Variants in NEK11 observed in about 807,000 individuals in gnomAD.
The protein encoded by NEK11 is NIMA related kinase 11, also known as serine/threonine-protein kinase Nek11.
Under a neutral mutation model 80.7 loss-of-function variants are expected in NEK11, and 72 were observed. That is an observed-to-expected ratio of 0.89 (90% confidence interval 0.74 to 1.08). The LOEUF (loss-of-function observed/expected upper bound fraction) is 1.08, where lower values mean the gene tolerates loss of function less well. Among genes scored for constraint, NEK11 ranks in the 50% least tolerant of loss-of-function variants. The pLI is 0.00. For missense variants in NEK11, 764 were observed against 763.6 expected, an observed-to-expected ratio of 1.00 and a Z score of -0.01; for synonymous variants, 251 against 260.7, an observed-to-expected ratio of 0.96 and a Z score of 0.36.
chr3:131,345,854 G>T (rs1409598493), intron 17 of NEK11, among the ~76,000 whole-genome samples: 1 of 152,050 alleles, frequency 6.6e-6, no homozygotes, highest in East Asian at 1.9e-4. Flanking sequence ...CCTTATAAAA[G>T]GATATCCTGT....
At chr3:131,138,984 A>T (rs1294583756) in intron 7 of NEK11, among the ~76,000 whole-genome samples, 2 of 152,216 alleles carry the variant, frequency 1.3e-5, no homozygotes, top group East Asian at 3.9e-4. Context: ...ATGAACATTC[A>T]CAAGTGTCAA....
At chr3:131,306,338 T>C (rs559091766) in intron 17 of NEK11, among the ~76,000 whole-genome samples, 19 of 152,292 alleles carry the variant, frequency 1.2e-4, no homozygotes, top group African/African-American at 4.6e-4. Flanking sequence ...GGGCCTTTAG[T>C]AATGTTGCAG....
chr3:131,184,720 C>CG, intron 14 of NEK11: 1 of 1,230,398 alleles, frequency 8.1e-7, no homozygotes, highest in Non-Finnish European at 1.1e-6. Context: ...AATCTAATTT[C>CG]ACTAGACGAA....
chr3:131,122,674 A>G (rs113023453), intron 5 of NEK11, among the ~76,000 whole-genome samples: 6 of 101,448 alleles, frequency 5.9e-5, no homozygotes, highest in African/African-American at 1.7e-4. Flanking sequence ...AGGGTTTCAT[A>G]TCATAAACTG....
chr3:131,333,580 T>A (rs954062281), intron 17 of NEK11, among the ~76,000 whole-genome samples: 12 of 152,138 alleles, frequency 7.9e-5, no homozygotes, highest in African/African-American at 2.7e-4. Flanking sequence ...AATCACCAGC[T>A]AACATCATAA....
At chr3:131,058,977 TC>T (rs1156761490) in intron 3 of NEK11, among the ~76,000 whole-genome samples, 1 of 152,202 alleles carries the variant, frequency 6.6e-6, no homozygotes, top group Non-Finnish European at 1.5e-5. Flanking sequence ...ATTAAGTACT[TC>T]AAAAGCATCT....
chr3:131,207,800 T>A (rs1425193148), intron 14 of NEK11, among the ~76,000 whole-genome samples: 2 of 152,176 alleles, frequency 1.3e-5, no homozygotes, highest in Admixed American at 6.5e-5. Context: ...TTTGCCCACA[T>A]TTGATGGGGT....
chr3:131,161,468 G>A (rs371959122), intron 10 of NEK11, among the ~76,000 whole-genome samples: 3 of 152,106 alleles, frequency 2.0e-5, no homozygotes, highest in African/African-American at 7.2e-5. Flanking sequence ...TAAAGAAAAT[G>A]TGGTACATTT....
rs143654897 is a variant in NEK11, at chr3:131,120,807, G to A, written c.455+10886G>A. 7.6e-4 allele frequency among the ~76,000 whole-genome samples: 115 copies of A among 152,168 alleles called. 1 individual carries two copies. The highest frequency in any genetic ancestry group is 1.8e-3 in the Admixed American group (28 of 15,288). Reference sequence around the variant, plus strand: ...CTTGTGCATGCGTCACATAGTTCTCGTGCCATGGTTTTCAGTTCCATCAGG... The same window carrying A: ...CTTGTGCATGCGTCACATAGTTCTCATGCCATGGTTTTCAGTTCCATCAGG... On this transcript the variant is annotated intron_variant, in intron 5 of 17. Transcript: ENST00000383366.
At chr3:131,235,946 G>A (rs916341842) in intron 15 of NEK11, among the ~76,000 whole-genome samples, 1 of 152,162 alleles carries the variant, frequency 6.6e-6, no homozygotes, top group African/African-American at 2.4e-5. Flanking sequence ...TCCAAAGTGT[G>A]TGAAAATGGA....
chr3:131,242,030 G>A (rs1186526191), intron 15 of NEK11, among the ~76,000 whole-genome samples: 1 of 152,066 alleles, frequency 6.6e-6, no homozygotes, highest in East Asian at 1.9e-4. Flanking sequence ...TTTTCCTGTG[G>A]CTGCTAGGCA....
At chr3:131,044,428 A>G (rs1361992662) in intron 3 of NEK11, among the ~76,000 whole-genome samples, 1 of 100,348 alleles carries the variant, frequency 1.0e-5, no homozygotes, top group African/African-American at 3.6e-5. Context: ...AAAGCAAAAA[A>G]AAAAAAAAAA....
intron 3 of NEK11, among the ~76,000 whole-genome samples, chr3:131,060,370 T>C (rs568456612): frequency 1.3e-5 from 2 of 152,334 alleles, no homozygotes; most frequent in South Asian, 4.1e-4. Context: ...CTGGCTCTGG[T>C]TGCTTTTTTC....
At chr3:131,236,490 C>G (rs1417511832) in intron 15 of NEK11, among the ~76,000 whole-genome samples, 1 of 152,168 alleles carries the variant, frequency 6.6e-6, no homozygotes, top group Non-Finnish European at 1.5e-5. Flanking sequence ...CAGGCATTGA[C>G]TTGCCGAGAA....
At chr3:131,212,902 T>G (rs2094684442) in intron 14 of NEK11, among the ~76,000 whole-genome samples, 1 of 152,188 alleles carries the variant, frequency 6.6e-6, no homozygotes, top group South Asian at 2.1e-4. Context: ...ATTAATATTT[T>G]TATATCAGTA....
chr3:131,256,063 G>T (rs947009178), intron 16 of NEK11, among the ~76,000 whole-genome samples: 1 of 152,276 alleles, frequency 6.6e-6, no homozygotes, highest in Admixed American at 6.5e-5. Context: ...AAGGAGAGAA[G>T]AGAGGAAGAT....
At position 131,349,819 on chromosome 3, in the gene NEK11, T is replaced by C. The variant is rs2097427606; in HGVS notation, c.*43T>C. ...GCAGAAGTTCAAGTGGACAAATTTA[T>C]GTGAAAATTCATTTAACATATAAGC... On this transcript the variant is annotated 3_prime_UTR_variant, in exon 18 of 18. Coordinates refer to ENST00000383366, the MANE Select transcript of NEK11 (RefSeq NM_024800.5). 1 of 1,458,028 alleles carries C rather than the reference T, an allele frequency of 6.9e-7. No individual in the cohort carries two copies. The highest frequency in any genetic ancestry group is 1.4e-5 in the African/African-American group (1 of 71,280). 90.3% of individuals were successfully genotyped at this position (1,458,028 alleles called of 1,614,324 possible).
intron 10 of NEK11, among the ~76,000 whole-genome samples, chr3:131,157,735 G>A (rs1449639122): frequency 6.6e-6 from 1 of 152,090 alleles, no homozygotes; most frequent in African/African-American, 2.4e-5. Context: ...AATCCTGTAT[G>A]GGGCCACTGT....
chr3:131,269,579 A>G (rs959804555), intron 16 of NEK11, among the ~76,000 whole-genome samples: 55 of 152,150 alleles, frequency 3.6e-4, no homozygotes, highest in African/African-American at 1.2e-3. Flanking sequence ...ACCAGTCCCA[A>G]TGAGATGAGC....
Sources: gnomAD v4.1 joint callset for allele counts (sites outside exome capture counted in the v4.1 genomes callset) on GRCh38, gnomAD v4.1.1 for gene constraint, MANE v1.5 for transcripts, NCBI Gene and HGNC (gene_info 2026-07-23, HGNC 2026-07-21) for gene names.